FAF1: variants seen among roughly 807,000 people sequenced by gnomAD.
FAF1 encodes the protein Fas associated factor 1, also known as FAS-associated factor 1.
In FAF1, 25 loss-of-function variants were observed where a neutral mutation model predicts 92.5. The ratio of observed to expected loss-of-function variants is 0.27; its 90% confidence interval spans 0.20 to 0.38. FAF1 has a LOEUF of 0.38. FAF1 is among the 10% of genes least tolerant of loss of function. The probability of loss-of-function intolerance (pLI) is 1.00; values close to 1 mark genes in which losing one functional copy is unlikely to be tolerated. For synonymous variants in FAF1, 234 were observed against 273.2 expected (o/e 0.86, Z 1.42); for missense variants, 636 against 793.3 (o/e 0.80, Z 2.38).
intron 1 of FAF1, among the ~76,000 whole-genome samples, chr1:50,858,468 C>T (rs879454772): frequency 1.3e-5 from 2 of 151,794 alleles, no homozygotes; most frequent in Non-Finnish European, 2.9e-5. Flanking sequence ...TCTCTGGTAG[C>T]TGCTAGACAC....
At chr1:50,657,248 T>C (rs570774583) in intron 7 of FAF1, among the ~76,000 whole-genome samples, 1 of 148,324 alleles carries the variant, frequency 6.7e-6, no homozygotes, top group South Asian at 2.1e-4. Context: ...CTCTTCAGGG[T>C]TTTTTTTTTC....
At chr1:50,606,826 A>G (rs1029002495) in intron 8 of FAF1, 1 of 152,130 alleles carries the variant, frequency 6.6e-6, no homozygotes, top group Non-Finnish European at 1.5e-5. Flanking sequence ...CTAAGGGCCC[A>G]TATCTTATAT....
At chr1:50,859,854 A>C (rs1644418508) in intron 1 of FAF1, among the ~76,000 whole-genome samples, 1 of 152,092 alleles carries the variant, frequency 6.6e-6, no homozygotes, top group South Asian at 2.1e-4. Flanking sequence ...ACTATACTGT[A>C]AGGATACAAT....
chr1:50,883,172 A>G (rs1644628257), intron 1 of FAF1, among the ~76,000 whole-genome samples: 2 of 152,158 alleles, frequency 1.3e-5, no homozygotes, highest in Admixed American at 1.3e-4. Context: ...AACACTGGGC[A>G]ACTAACAGAT....
At chr1:50,762,778 G>A (rs928426418) in intron 4 of FAF1, among the ~76,000 whole-genome samples, 5 of 151,820 alleles carry the variant, frequency 3.3e-5, no homozygotes, top group Non-Finnish European at 5.9e-5. Context: ...CATAGGCATG[G>A]GCAAGGACTT....
intron 17 of FAF1, among the ~76,000 whole-genome samples, chr1:50,489,648 A>G (rs544829633): frequency 6.6e-6 from 1 of 152,294 alleles, no homozygotes; most frequent in Non-Finnish European, 1.5e-5. Flanking sequence ...CATATCCCAA[A>G]AATGTTTGCA....
chr1:50,836,711 C>T (rs1644208559), intron 2 of FAF1, among the ~76,000 whole-genome samples: 1 of 152,068 alleles, frequency 6.6e-6, no homozygotes, highest in Admixed American at 6.5e-5. Context: ...ACCTTATAAA[C>T]ATACACAATT....
intron 7 of FAF1, among the ~76,000 whole-genome samples, chr1:50,697,595 A>C (rs981629785): frequency 2.0e-5 from 3 of 152,142 alleles, no homozygotes. Flanking sequence ...TTGGTACAAG[A>C]CTCATGGAAA....
chr1:50,520,649 C>G (rs1304486010), intron 15 of FAF1, among the ~76,000 whole-genome samples: 2 of 152,230 alleles, frequency 1.3e-5, no homozygotes, highest in South Asian at 2.1e-4. Context: ...GAGTTCAAGA[C>G]TAGCCTGGGC....
At chr1:50,519,719 A>C (rs554250858) in intron 15 of FAF1, among the ~76,000 whole-genome samples, 1 of 152,130 alleles carries the variant, frequency 6.6e-6, no homozygotes, top group Admixed American at 6.5e-5. Flanking sequence ...CTTAATTATG[A>C]TGTGTGTTAT....
At chr1:50,442,713 G>A (rs1572743947) in intron 18 of FAF1, among the ~76,000 whole-genome samples, 1 of 152,202 alleles carries the variant, frequency 6.6e-6, no homozygotes, top group Non-Finnish European at 1.5e-5. Flanking sequence ...TTCCATGGAG[G>A]GGTGGGGGAT....
chr1:50,686,767 C>A (rs1397830792), intron 7 of FAF1, among the ~76,000 whole-genome samples: 1 of 152,012 alleles, frequency 6.6e-6, no homozygotes, highest in Non-Finnish European at 1.5e-5. Flanking sequence ...AACACCTAGG[C>A]AATATGACAA....
intron 1 of FAF1, among the ~76,000 whole-genome samples, chr1:50,876,439 T>C (rs1261680892): frequency 6.6e-6 from 1 of 152,226 alleles, no homozygotes; most frequent in African/African-American, 2.4e-5. Context: ...GAACACCTTG[T>C]AGTGCCAGAA....
intron 4 of FAF1, among the ~76,000 whole-genome samples, chr1:50,770,620 G>GA (rs1660744142): frequency 6.6e-6 from 1 of 151,990 alleles, no homozygotes; most frequent in Non-Finnish European, 1.5e-5. Flanking sequence ...ACAAAGAAAT[G>GA]AAAAAACATT....
At chr1:50,487,133 C>T (rs1193565012) in intron 17 of FAF1, among the ~76,000 whole-genome samples, 1 of 152,190 alleles carries the variant, frequency 6.6e-6, no homozygotes, top group Non-Finnish European at 1.5e-5. Flanking sequence ...GGTTAGTATT[C>T]ACTACATTGC....
In FAF1 at chr1:50,491,793, A is replaced by G; in HGVS notation, c.1503T>C (p.Arg501=). ...QQEDIKDEDE[R]EARENVKREQ... is the part of the protein sequence containing the mutation. ...CTCTCTTCACATTTTCTCTGGCTTCACGTTCATCCTTAAAGAAAAAGATTC... is the reference window on the plus strand; with the variant it reads ...CTCTCTTCACATTTTCTCTGGCTTCGCGTTCATCCTTAAAGAAAAAGATTC... Residue 501 remains arginine (R), a synonymous_variant, in exon 16 of 19, where the codon CGT becomes CGC. Coordinates refer to ENST00000396153, the MANE Select transcript of FAF1 (RefSeq NM_007051.3). 1 of 1,609,168 alleles carries G rather than the reference A, an allele frequency of 6.2e-7. No homozygotes were observed. The highest frequency in any genetic ancestry group is 1.1e-5 in the South Asian group (1 of 89,384).
At chr1:50,620,637 C>A (rs1383073583) in intron 8 of FAF1, among the ~76,000 whole-genome samples, 1 of 152,206 alleles carries the variant, frequency 6.6e-6, no homozygotes, top group Non-Finnish European at 1.5e-5. Context: ...GCTTTTTCAA[C>A]TGCGAGAGTT....
intron 6 of FAF1, among the ~76,000 whole-genome samples, chr1:50,707,472 G>A (rs1657727740): frequency 6.6e-6 from 1 of 152,132 alleles, no homozygotes; most frequent in Non-Finnish European, 1.5e-5. Flanking sequence ...GCCAAGGCGG[G>A]TGGATTGCCT....
intron 7 of FAF1, among the ~76,000 whole-genome samples, chr1:50,694,214 T>C (rs1657086821): frequency 6.6e-6 from 1 of 152,168 alleles, no homozygotes; most frequent in Non-Finnish European, 1.5e-5. Context: ...TTAAATGATA[T>C]GCTTTTCTTA....
Sources: allele counts gnomAD v4.1 joint callset (sites outside exome capture counted in the v4.1 genomes callset), GRCh38; gene constraint gnomAD v4.1.1; transcripts MANE v1.5; gene names NCBI Gene and HGNC (gene_info 2026-07-23, HGNC 2026-07-21).